EDNRB: variants seen among roughly 807,000 people sequenced by gnomAD.
EDNRB encodes Hirschsprung disease 2.
A neutral mutation model predicts 46.4 loss-of-function variants in EDNRB; 18 were observed. The ratio of observed to expected loss-of-function variants is 0.39; its 90% confidence interval spans 0.27 to 0.57. The LOEUF (loss-of-function observed/expected upper bound fraction) is 0.57, where lower values mean the gene tolerates loss of function less well. Among genes scored for constraint, EDNRB ranks in the 20% least tolerant of loss-of-function variants. EDNRB has a pLI of 0.61. For missense variants in EDNRB, 434 were observed against 537.5 expected, an observed-to-expected ratio of 0.81 and a Z score of 1.90; for synonymous variants, 213 against 204.9, an observed-to-expected ratio of 1.04 and a Z score of -0.34.
In EDNRB at chr13:77,918,566, G is replaced by A. The variant is rs200047993; in HGVS notation, c.8C>T (p.Pro3Leu). The change falls in exon 1 of 7, where the codon CCG (proline) becomes CTG (leucine). Residue 3 changes from proline (P) to leucine (L), a missense_variant. Physicochemically the swap from Pro to Leu is moderately conservative, Grantham distance 98. Transcript: ENST00000646607. This position sits in a 1 kb window ranked among gnomAD's most constrained non-coding sequence, Gnocchi z 4.5. Reference sequence around the variant, plus strand: ...GGCGCGTCCGCACAGACTTGGAGGCGGCTGCATGCTGCTACCTGCTCCAGA... The same window carrying A: ...GGCGCGTCCGCACAGACTTGGAGGCAGCTGCATGCTGCTACCTGCTCCAGA... MQ[P>L]PPSLCGRALV... The A allele has an allele frequency of 4.1e-5, 66 of 1,596,232 alleles. No homozygotes were observed. Among genetic ancestry groups the A allele is most frequent in the Non-Finnish European group, 5.2e-5 (61 of 1,174,746 alleles).
chr13:77,900,470 A>G (rs1229915421), intron 5 of EDNRB, 51 bp downstream of exon 5: 8 of 1,609,690 alleles, frequency 5.0e-6, no homozygotes, highest in Non-Finnish European at 5.9e-6. Context: ...CGATGGAAAC[A>G]CTTCTGAGTG....
intron 1 of EDNRB, among the ~76,000 whole-genome samples, chr13:77,963,426 A>G (rs542230424): frequency 6.6e-6 from 1 of 152,326 alleles, no homozygotes; most frequent in South Asian, 2.1e-4. Flanking sequence ...ACAGAGATAT[A>G]GACCAGTGGA....
intron 5 of EDNRB, 150 bp from the exon 6 acceptor site, chr13:77,900,117 C>T (rs975747842): frequency 2.5e-5 from 18 of 722,874 alleles, no homozygotes; most frequent in Non-Finnish European, 4.1e-5. Context: ...GATTCTCTGC[C>T]TGTCTCTGTC....
intron 1 of EDNRB, among the ~76,000 whole-genome samples, chr13:77,908,779 C>A (rs1879419248): frequency 6.6e-6 from 1 of 151,960 alleles, no homozygotes; most frequent in African/African-American, 2.4e-5. Flanking sequence ...AATCAAAAGG[C>A]TGTCTCTCTG....
chr13:77,904,341 C>T (rs1028432909), intron 1 of EDNRB, among the ~76,000 whole-genome samples: 8 of 151,918 alleles, frequency 5.3e-5, no homozygotes, highest in African/African-American at 1.7e-4. Flanking sequence ...CTCTCTTTTC[C>T]TTTTTATCCA....
Position 77,918,479 on chromosome 13 carries a change from G to A in EDNRB, c.95C>T (p.Pro32Leu), listed in dbSNP as rs1879933607. 6.4e-7 allele frequency: 1 copy of A among 1,562,684 alleles called. No individual in the cohort carries two copies. Among genetic ancestry groups the A allele is most frequent in the African/African-American group, 1.4e-5 (1 of 73,108 alleles). ...CAAAAGCGGAGTGGCCCTGTCAGGCGGGAAGCCTCTCTCCTCTCCCCAGAT... is the reference window on the plus strand; with the variant it reads ...CAAAAGCGGAGTGGCCCTGTCAGGCAGGAAGCCTCTCTCCTCTCCCCAGAT... Reference protein sequence around the residue: ...SRIWGEERGFPPDRATPLLQT... With the variant: ...SRIWGEERGFLPDRATPLLQT... Residue 32 changes from proline (P) to leucine (L), a missense_variant, in exon 1 of 7, where the codon CCG becomes CTG. Pro to Leu is a moderately conservative substitution (Grantham distance 98). Coordinates refer to ENST00000646607, the MANE Select transcript of EDNRB (RefSeq NM_001122659.3). This position sits in a 1 kb window ranked among gnomAD's most constrained non-coding sequence, Gnocchi z 4.5.
intron 1 of EDNRB, among the ~76,000 whole-genome samples, chr13:77,905,053 T>A (rs1879204578): frequency 1.3e-5 from 2 of 151,884 alleles, no homozygotes. Flanking sequence ...TACACAGACA[T>A]GTAGGACAAA....
At chr13:77,944,128 G>GT (rs1361232438) in intron 1 of EDNRB, among the ~76,000 whole-genome samples, 1 of 151,904 alleles carries the variant, frequency 6.6e-6, no homozygotes, top group Non-Finnish European at 1.5e-5. Context: ...CAAACTCCAT[G>GT]TTTTTTTCTG....
upstream of EDNRB, chr13:77,918,910 T>TG: frequency 8.2e-7 from 1 of 1,219,768 alleles, no homozygotes; most frequent in Non-Finnish European, 1.0e-6. The surrounding 1 kb of genome is among the most constrained non-coding windows in gnomAD (Gnocchi z 4.5). Flanking sequence ...GAGGGAATGA[T>TG]GGGGGTCCCA....
At chr13:77,916,164 C>G (rs577708982) in intron 1 of EDNRB, among the ~76,000 whole-genome samples, 3 of 152,256 alleles carry the variant, frequency 2.0e-5, no homozygotes, top group East Asian at 1.9e-4. Flanking sequence ...TTCCTGACCC[C>G]CTAAACAGAA....
intron 1 of EDNRB, among the ~76,000 whole-genome samples, chr13:77,950,030 G>T (rs1266205586): frequency 6.6e-6 from 1 of 152,110 alleles, no homozygotes; most frequent in African/African-American, 2.4e-5. Flanking sequence ...GGTTTGGGTT[G>T]CAAGCCAATA....
chr13:77,897,356 A>G lies in EDNRB; in HGVS notation c.*844T>C. 1.0e-6 allele frequency: 1 copy of G among 985,268 alleles called. No homozygotes were observed. The highest frequency in any genetic ancestry group is 1.2e-6 in the Non-Finnish European group (1 of 829,830). The allele number at this position is 985,268 out of a possible 1,614,324, so 61.0% of individuals were successfully genotyped here. A position where few individuals can be genotyped will look rare whatever the true frequency, so the allele number is the denominator to read the frequency against. On this transcript the variant is annotated 3_prime_UTR_variant, in exon 7 of 7. Coordinates refer to ENST00000646607, the MANE Select transcript of EDNRB (RefSeq NM_001122659.3). ...AAAAATTGTAGATAGTATTGTCTTC[A>G]CAGGGTATGTGAATGACAGATTCAA...
chr13:77,898,084 T>G lies in EDNRB; in HGVS notation c.*116A>C, dbSNP rs1878725792. On this transcript the variant is annotated 3_prime_UTR_variant, in exon 7 of 7. Coordinates refer to ENST00000646607, the MANE Select transcript of EDNRB (RefSeq NM_001122659.3). ...GTTAAAATAATTACACTTAATATTT[T>G]AATAGTGTGCTGTGCAAATACATAG... 8.6e-6 allele frequency: 13 copies of G among 1,507,662 alleles called. No homozygotes were observed. In the South Asian group the frequency reaches 1.1e-4, roughly 13 times the overall value. 93.4% of individuals were successfully genotyped at this position (1,507,662 alleles called of 1,614,324 possible).
At chr13:77,975,213 G>C (rs986935894) in intron 1 of EDNRB, 2 of 152,346 alleles carry the variant, frequency 1.3e-5, no homozygotes, top group African/African-American at 4.8e-5. Context: ...AAGTTCCCAA[G>C]ACCAGTCCTG....
intron 1 of EDNRB, among the ~76,000 whole-genome samples, chr13:77,914,519 A>C (rs1360513121): frequency 6.6e-6 from 1 of 152,204 alleles, no homozygotes. Flanking sequence ...GCATAGCCCT[A>C]GTGTGTGCCT....
At chr13:77,968,508 A>T (rs1331562250) in intron 1 of EDNRB, among the ~76,000 whole-genome samples, 3 of 152,180 alleles carry the variant, frequency 2.0e-5, no homozygotes, top group Non-Finnish European at 2.9e-5. Context: ...TTTTTTTTCA[A>T]CTATGAATTG....
intron 2 of EDNRB, 60 bp downstream of exon 2, chr13:77,903,435 G>T: frequency 6.2e-7 from 1 of 1,609,848 alleles, no homozygotes. Flanking sequence ...TATTTTCTAA[G>T]TAACATGGAA....
intron 1 of EDNRB, among the ~76,000 whole-genome samples, chr13:77,907,278 G>A (rs1879328892): frequency 1.3e-5 from 2 of 151,804 alleles, no homozygotes. Flanking sequence ...ATCTCTTGAG[G>A]GCCTGAATAG....
chr13:77,954,458 G>A (rs1441787597), intron 1 of EDNRB, among the ~76,000 whole-genome samples: 1 of 151,266 alleles, frequency 6.6e-6, no homozygotes, highest in Non-Finnish European at 1.5e-5. Context: ...ACAAAAGGCA[G>A]GATTTTCTTT....
Sources: allele counts gnomAD v4.1 joint callset (sites outside exome capture counted in the v4.1 genomes callset), GRCh38; gene constraint gnomAD v4.1.1; non-coding constraint Gnocchi (gnomAD v3.1); transcripts MANE v1.5; gene names NCBI Gene and HGNC (gene_info 2026-07-23, HGNC 2026-07-21).